Variants in MARVELD3 observed in about 807,000 individuals in gnomAD.
The protein encoded by MARVELD3 is MARVEL domain-containing protein 3.
MARVELD3 carries 28 observed loss-of-function variants against 33.5 expected under a neutral mutation model. That is an observed-to-expected ratio of 0.84 (90% CI 0.62 to 1.15). The LOEUF is 1.15. Ranked by LOEUF, MARVELD3 falls within the 50% of genes most tolerant of loss-of-function variation. MARVELD3 has a pLI of 0.00. For synonymous variants in MARVELD3, 241 were observed against 230.4 expected (o/e 1.05, Z -0.42); for missense variants, 582 against 547.6 (o/e 1.06, Z -0.63).
rs11555794 is a variant in MARVELD3 at position 71,626,622 on chromosome 16, G to T, written c.393G>T (p.Gly131=). 1,187 of 1,538,956 alleles carry T rather than the reference G, an allele frequency of 7.7e-4. 12 individuals carry two copies. In the African/African-American group the frequency reaches 0.015, roughly 19 times the overall value. Residue 131 remains glycine, a synonymous_variant, in exon 1 of 3, where the codon GGG becomes GGT. Coordinates refer to ENST00000268485, the MANE Select transcript of MARVELD3 (RefSeq NM_052858.6). The surrounding 1 kb of genome is among the most constrained non-coding windows in gnomAD (Gnocchi z 5.3). ...CCTGGGACGCAGCCGCGCCTCCTGG[G>T]CCCGCGCCCTGGGAAGCCCCGGAGC... The part of the protein sequence containing the change: ...GLTWDAAAPP[G]PAPWEAPEPP...
At position 71,626,240 on chromosome 16, in the gene MARVELD3, C is replaced by T. The variant is rs890720939; in HGVS notation, c.11C>T (p.Pro4Leu). The T allele has an allele frequency of 2.7e-6, 4 of 1,494,890 alleles. No individual in the cohort carries two copies. In the South Asian group the frequency reaches 4.0e-5, roughly 15 times the overall value. 92.6% of individuals were successfully genotyped at this position (1,494,890 alleles called of 1,614,324 possible). The change falls in exon 1 of 3, where the codon CCG becomes CTG. Residue 4 changes from proline to leucine, a missense_variant. By Grantham distance (98) the Pro-to-Leu change is moderately conservative. Coordinates refer to ENST00000268485, the MANE Select transcript of MARVELD3 (RefSeq NM_052858.6). The surrounding 1 kb of genome is among the most constrained non-coding windows in gnomAD (Gnocchi z 5.3). MEDPSGAREPRARP... is the reference protein window; with the variant it reads MEDLSGAREPRARP... ...ACACGGAACCCGGCCATGGAAGATC[C>T]GTCGGGGGCTCGCGAGCCCCGGGCC...
intron 2 of MARVELD3, among the ~76,000 whole-genome samples, chr16:71,631,949 T>C (rs928935748): frequency 1.3e-5 from 2 of 152,200 alleles, no homozygotes; most frequent in Non-Finnish European, 2.9e-5. Context: ...AATCTGGTTA[T>C]CAAACATCAG....
At position 71,626,789 on chromosome 16, in the gene MARVELD3, T is replaced by C; in HGVS notation, c.467+93T>C. ...CCCTGGCGTCCCCGGGTTCTCGTCC[T>C]AGGAGCCCGTTTAAATGAACAAATG... is the stretch of plus-strand genomic sequence containing the variant. On this transcript the variant is annotated intron_variant, in intron 1 of 2. Transcript: ENST00000268485. This position sits in a 1 kb window ranked among gnomAD's most constrained non-coding sequence, Gnocchi z 5.3. 1 of 1,079,148 alleles carries C rather than the reference T, an allele frequency of 9.3e-7. No individual in the cohort carries two copies. Among genetic ancestry groups the C allele is most frequent in the Non-Finnish European group, 1.2e-6 (1 of 806,556 alleles). 66.8% of individuals were successfully genotyped at this position (1,079,148 alleles called of 1,614,324 possible).
chr16:71,630,624 T>TA (rs1003561179), intron 2 of MARVELD3, among the ~76,000 whole-genome samples: 1,710 of 138,160 alleles, frequency 0.012, 12 homozygotes, highest in Non-Finnish European at 0.019. Context: ...AACTACGTCT[T>TA]AAAAAAAAAA....
chr16:71,633,432 C>T (rs1462706168), intron 2 of MARVELD3, among the ~76,000 whole-genome samples: 2 of 152,118 alleles, frequency 1.3e-5, no homozygotes, highest in African/African-American at 2.4e-5. Context: ...GACGGAGTGT[C>T]GCCCAGGCTA....
At chr16:71,632,271 G>A (rs1386872867) in intron 2 of MARVELD3, among the ~76,000 whole-genome samples, 1 of 152,178 alleles carries the variant, frequency 6.6e-6, no homozygotes, top group African/African-American at 2.4e-5. Flanking sequence ...CTTGATTATG[G>A]TTACATGGTA....
rs1418534986 is a variant in MARVELD3 at position 71,634,868 on chromosome 16, C to G, written c.*65C>G. The stretch of plus-strand genomic sequence containing the variant: ...AAGGTAGTCTGAGCCACTGCCTTTC[C>G]CAAGAATCCCTTGTTGTGGAAGTTT... On this transcript the variant is annotated 3_prime_UTR_variant, in exon 3 of 3. Transcript: ENST00000268485. 6.6e-7 allele frequency: 1 copy of G among 1,520,244 alleles called. No homozygotes were observed. The highest frequency in any genetic ancestry group is 1.4e-5 in the African/African-American group (1 of 71,704). 94.2% of individuals were successfully genotyped at this position (1,520,244 alleles called of 1,614,324 possible).
At chr16:71,632,993 T>G (rs2044547585) in intron 2 of MARVELD3, among the ~76,000 whole-genome samples, 1 of 152,188 alleles carries the variant, frequency 6.6e-6, no homozygotes, top group Admixed American at 6.5e-5. Flanking sequence ...ATTATTATAT[T>G]GTTTAAGCTC....
downstream of MARVELD3, among the ~76,000 whole-genome samples, chr16:71,636,814 C>T (rs1251343600): frequency 6.6e-6 from 1 of 152,160 alleles, no homozygotes; most frequent in Non-Finnish European, 1.5e-5. Flanking sequence ...TCATCTCGAA[C>T]TCCTGGGCTC....
At chr16:71,627,365 G>A (rs1038482301) in intron 1 of MARVELD3, among the ~76,000 whole-genome samples, 2 of 152,142 alleles carry the variant, frequency 1.3e-5, no homozygotes, top group African/African-American at 4.8e-5. Context: ...TTAGCCAGGC[G>A]TGATGGCAGA....
downstream of MARVELD3, chr16:71,640,829 T>C (rs146595006): frequency 6.2e-7 from 1 of 1,613,940 alleles, no homozygotes; most frequent in African/African-American, 1.3e-5. Context: ...CCCGCAAGGG[T>C]CTCACCTGGA....
chr16:71,634,421 C>A lies in MARVELD3; in HGVS notation c.824C>A (p.Ala275Asp). 6.2e-7 allele frequency: 1 copy of A among 1,614,186 alleles called. No individual in the cohort carries two copies. The highest frequency in any genetic ancestry group is 1.1e-5 in the South Asian group (1 of 91,088). ...CTGCCCATGGTCACTGTGGCAATGG[C>A]CTGTAGTGGAGCCCTCACAGCCCTC... ...LKLPMVTVAM[A>D]CSGALTALCC... Residue 275 changes from alanine (A) to aspartate (D), a missense_variant, in exon 3 of 3, where the codon GCC becomes GAC. By Grantham distance (126) the Ala-to-Asp change is moderately radical (BLOSUM62 -2). Transcript: ENST00000268485.
intron 2 of MARVELD3, among the ~76,000 whole-genome samples, chr16:71,630,951 A>G (rs1268610336): frequency 6.6e-6 from 1 of 152,204 alleles, no homozygotes; most frequent in African/African-American, 2.4e-5. Flanking sequence ...CCTTGCCAGC[A>G]ATGAAGAAAA....
At chr16:71,629,278 T>A (rs555793134) in intron 1 of MARVELD3, 89 bp from the exon 2 acceptor site, 3 of 1,358,830 alleles carry the variant, frequency 2.2e-6, no homozygotes, top group East Asian at 2.8e-5. Flanking sequence ...TGCTAATATT[T>A]GGGCCCAGCA....
At chr16:71,638,869 C>T (rs1330217982), downstream of MARVELD3, 2 of 152,018 alleles carry the variant, frequency 1.3e-5, no homozygotes, top group Non-Finnish European at 2.9e-5. Flanking sequence ...TGATGCAATC[C>T]AGAACTGTTC....
chr16:71,640,933 G>A (rs781617184), downstream of MARVELD3: 11 of 1,614,072 alleles, frequency 6.8e-6, no homozygotes, highest in African/African-American at 1.3e-5. Context: ...CTGGCCCTGC[G>A]TAGCTACCGA....
At chr16:71,640,017 T>G (rs796617451), downstream of MARVELD3, among the ~76,000 whole-genome samples, 27 of 152,196 alleles carry the variant, frequency 1.8e-4, 1 homozygote, top group African/African-American at 6.0e-4. Flanking sequence ...GCCTGTAATC[T>G]CAGGACTTTG....
chr16:71,640,460 C>T, downstream of MARVELD3: 4 of 1,614,094 alleles, frequency 2.5e-6, no homozygotes, highest in Non-Finnish European at 3.4e-6. Context: ...CCTACTTTGT[C>T]CTTGCCGGAT....
At chr16:71,633,477 T>C (rs181855019) in intron 2 of MARVELD3, among the ~76,000 whole-genome samples, 1 of 152,170 alleles carries the variant, frequency 6.6e-6, no homozygotes, top group African/African-American at 2.4e-5. Context: ...CACTGTAACC[T>C]CCACCTCTCG....
Sources: allele counts gnomAD v4.1 joint callset (sites outside exome capture counted in the v4.1 genomes callset), GRCh38; gene constraint gnomAD v4.1.1; non-coding constraint Gnocchi (gnomAD v3.1); transcripts MANE v1.5; gene names NCBI Gene and HGNC (gene_info 2026-07-23, HGNC 2026-07-21).